Variants in CNOT6L observed in about 807,000 individuals in gnomAD.
CNOT6L encodes CCR4-NOT transcription complex subunit 6-like.
In CNOT6L, 7 loss-of-function variants were observed where a neutral mutation model predicts 64.0. The ratio of observed to expected loss-of-function variants is 0.11; its 90% CI spans 0.06 to 0.21. The LOEUF (loss-of-function observed/expected upper bound fraction) is 0.21, where lower values mean the gene tolerates loss of function less well. CNOT6L is among the 10% of genes least tolerant of loss of function. CNOT6L has a pLI of 1.00. For missense variants in CNOT6L, 245 were observed against 669.0 expected (o/e 0.37, Z 6.99); for synonymous variants, 193 against 243.4 (o/e 0.79, Z 1.93).
At chr4:77,753,852 T>A (rs1440257136) in intron 5 of CNOT6L, among the ~76,000 whole-genome samples, 1 of 148,828 alleles carries the variant, frequency 6.7e-6, no homozygotes, top group Non-Finnish European at 1.5e-5. Context: ...AATAATCTAC[T>A]CATCTTAATA....
At chr4:77,812,181 A>T (rs1733023048) in intron 1 of CNOT6L, among the ~76,000 whole-genome samples, 1 of 152,088 alleles carries the variant, frequency 6.6e-6, no homozygotes, top group Admixed American at 6.6e-5. Flanking sequence ...GCAGTGACTC[A>T]CACCTGTAAT....
chr4:77,776,194 A>G, intron 2 of CNOT6L, 77 bp downstream of exon 2: 1 of 1,453,836 alleles, frequency 6.9e-7, no homozygotes, highest in Non-Finnish European at 9.4e-7. Flanking sequence ...AAAAATGTAC[A>G]ACAAAAAATA....
In CNOT6L at chr4:77,736,050, C is replaced by T. The variant is rs144889191; in HGVS notation, c.873-4512G>A. On this transcript the variant is annotated intron_variant, in intron 8 of 11. Transcript: ENST00000504123. ...CATACTTTTGACTTTTAAAACTTCT[C>T]AATCTTTTAAAGGTACCTTCTTTTT... 9.9e-4 allele frequency among the ~76,000 whole-genome samples: 151 copies of T among 152,246 alleles called. 1 individual carries two copies. Among genetic ancestry groups the T allele is most frequent in the African/African-American group, 3.1e-3 (130 of 41,548 alleles).
At chr4:77,784,088 A>T (rs1729181070) in intron 1 of CNOT6L, among the ~76,000 whole-genome samples, 1 of 152,132 alleles carries the variant, frequency 6.6e-6, no homozygotes, top group African/African-American at 2.4e-5. Flanking sequence ...ACTTACAGGA[A>T]GCTTCTGGCT....
chr4:77,792,670 A>T (rs1460782316), intron 1 of CNOT6L, among the ~76,000 whole-genome samples: 1 of 151,410 alleles, frequency 6.6e-6, no homozygotes, highest in Admixed American at 6.6e-5. Context: ...AGGTTGCAGT[A>T]AGCCAAGATC....
At chr4:77,770,142 C>T (rs1441615517) in intron 4 of CNOT6L, among the ~76,000 whole-genome samples, 4 of 152,142 alleles carry the variant, frequency 2.6e-5, no homozygotes, top group Non-Finnish European at 5.9e-5. Flanking sequence ...TCTCCACGCT[C>T]TCCTCAAATC....
chr4:77,728,269 A>G (rs1312331178), intron 10 of CNOT6L, among the ~76,000 whole-genome samples: 1 of 152,192 alleles, frequency 6.6e-6, no homozygotes, highest in Non-Finnish European at 1.5e-5. Context: ...CACGTAATGA[A>G]TATTTTCTGG....
At chr4:77,721,730 G>A (rs1721298611) in intron 11 of CNOT6L, among the ~76,000 whole-genome samples, 1 of 152,020 alleles carries the variant, frequency 6.6e-6, no homozygotes, top group Non-Finnish European at 1.5e-5. Context: ...CAGCCCTTTG[G>A]GAAGTGGGGG....
At chr4:77,773,376 G>T (rs1696063000) in intron 3 of CNOT6L, among the ~76,000 whole-genome samples, 1 of 152,070 alleles carries the variant, frequency 6.6e-6, no homozygotes, top group South Asian at 2.1e-4. Context: ...CTATTTCTAG[G>T]ATTTACTCAT....
intron 1 of CNOT6L, among the ~76,000 whole-genome samples, chr4:77,778,601 T>A (rs1364637999): frequency 6.6e-6 from 1 of 151,522 alleles, no homozygotes; most frequent in African/African-American, 2.4e-5. Context: ...AGATGGGGGT[T>A]TCACCACGTT....
At chr4:77,777,041 C>T (rs186078248) in intron 1 of CNOT6L, among the ~76,000 whole-genome samples, 5 of 152,330 alleles carry the variant, frequency 3.3e-5, no homozygotes, top group Non-Finnish European at 1.5e-5. Context: ...ACCTGTAGCA[C>T]ACCCAAATAC....
At chr4:77,819,392 C>A, upstream of CNOT6L, 1 of 1,607,384 alleles carries the variant, frequency 6.2e-7, no homozygotes, top group East Asian at 2.2e-5. Context: ...CGCGCGCGCA[C>A]CAGGCCCCCA....
rs1191013736 is a variant in CNOT6L, at chr4:77,719,236, A to G, written c.*1195T>C. On this transcript the variant is annotated 3_prime_UTR_variant, in exon 12 of 12. Transcript: ENST00000504123. ...TCCAACATACCTAAAGGCATCAACAATTGGGAATAAACCAGTAGCTTCTTA... is the reference window on the plus strand; with the variant it reads ...TCCAACATACCTAAAGGCATCAACAGTTGGGAATAAACCAGTAGCTTCTTA... The G allele has an allele frequency of 1.3e-5, 2 of 152,728 alleles. No homozygotes were observed. Among genetic ancestry groups the G allele is most frequent in the East Asian group, 3.9e-4 (2 of 5,184 alleles). 9.5% of individuals were successfully genotyped at this position (152,728 alleles called of 1,614,324 possible). A position where few individuals can be genotyped will look rare whatever the true frequency, so the allele number is the denominator to read the frequency against.
At chr4:77,743,619 T>TTTTG in intron 7 of CNOT6L, among the ~76,000 whole-genome samples, 1 of 76,844 alleles carries the variant, frequency 1.3e-5, no homozygotes, top group Non-Finnish European at 2.6e-5. Flanking sequence ...TTTTTTTTTT[T>TTTTG]GAGACAGAAT....
chr4:77,760,860 C>CTTTTTTTTTTTTTTTTTT lies in CNOT6L; in HGVS notation c.401-3927_401-3910dup, dbSNP rs754195745. Among the ~76,000 whole-genome samples the CTTTTTTTTTTTTTTTTTT allele has an allele frequency of 1.7e-4, 5 of 29,982 alleles. 1 individual carries two copies. The highest frequency in any genetic ancestry group is 0.036 in the Middle Eastern group (1 of 28). 19.7% of individuals were successfully genotyped at this position (29,982 alleles called of 152,430 possible). ...TACAGGTGCACACCACCATGCCTGGCTTTTTTTTTTTTTTTTTTTTTTTTT... is the reference window on the plus strand; with the variant it reads ...TACAGGTGCACACCACCATGCCTGGCTTTTTTTTTTTTTTTTTTTTTTTTTTTTTTTTTTTTTTTTTTT... On this transcript the variant is annotated intron_variant, in intron 4 of 11. Coordinates refer to ENST00000504123, the MANE Select transcript of CNOT6L (RefSeq NM_144571.3).
At chr4:77,806,790 C>T (rs1393476762) in intron 1 of CNOT6L, among the ~76,000 whole-genome samples, 1 of 152,136 alleles carries the variant, frequency 6.6e-6, no homozygotes, top group Non-Finnish European at 1.5e-5. Context: ...CCACTCGAGC[C>T]CTAGAAGTTA....
At chr4:77,751,047 G>A (rs965043461) in intron 5 of CNOT6L, among the ~76,000 whole-genome samples, 2 of 152,180 alleles carry the variant, frequency 1.3e-5, no homozygotes. Context: ...CAACTTAAGT[G>A]TTAAAAGACC....
At chr4:77,796,402 T>C (rs536041137) in intron 1 of CNOT6L, among the ~76,000 whole-genome samples, 2 of 152,136 alleles carry the variant, frequency 1.3e-5, no homozygotes, top group South Asian at 4.2e-4. Flanking sequence ...TCCCTTGCTT[T>C]TTCTTGTGAT....
chr4:77,805,133 G>A (rs542786709), intron 1 of CNOT6L, among the ~76,000 whole-genome samples: 55 of 152,258 alleles, frequency 3.6e-4, no homozygotes, highest in African/African-American at 1.3e-3. Context: ...GGGTCATGGA[G>A]CCAATCCTCT....
Sources: allele counts gnomAD v4.1 joint callset (sites outside exome capture counted in the v4.1 genomes callset), GRCh38; gene constraint gnomAD v4.1.1; transcripts MANE v1.5; gene names NCBI Gene and HGNC (gene_info 2026-07-23, HGNC 2026-07-21).